Variants in ESRRG observed in about 807,000 individuals in gnomAD.
The protein encoded by ESRRG is estrogen related receptor gamma, also known as estrogen-related receptor gamma.
Under a neutral mutation model 44.0 loss-of-function variants are expected in ESRRG, and 13 were observed. That is an observed-to-expected ratio of 0.30 (90% CI 0.19 to 0.47). The LOEUF (loss-of-function observed/expected upper bound fraction) is 0.47, where lower values mean the gene tolerates loss of function less well. Ranked by LOEUF, ESRRG falls within the 20% of genes least tolerant of loss-of-function variation. The pLI, the probability that ESRRG is intolerant of heterozygous loss-of-function variation, is 1.00. For missense variants in ESRRG, 395 were observed against 580.6 expected, an observed-to-expected ratio of 0.68 and a Z score of 3.29; for synonymous variants, 215 against 214.6, an observed-to-expected ratio of 1.00 and a Z score of -0.02.
intron 3 of ESRRG, among the ~76,000 whole-genome samples, chr1:216,605,575 A>G (rs2059823345): frequency 6.6e-6 from 1 of 152,328 alleles, no homozygotes; most frequent in Admixed American, 6.5e-5. Flanking sequence ...GTGTCTATGT[A>G]TACTGTCACC....
At chr1:216,742,538 C>A (rs2152237593) in intron 2 of ESRRG, among the ~76,000 whole-genome samples, 1 of 152,084 alleles carries the variant, frequency 6.6e-6, no homozygotes, top group East Asian at 1.9e-4. Flanking sequence ...GTAAATATTT[C>A]TTTAATGATT....
chr1:216,651,983 T>G lies in ESRRG; in HGVS notation c.473-894A>C, dbSNP rs1266812039. 2.0e-5 allele frequency among the ~76,000 whole-genome samples: 3 copies of G among 152,112 alleles called. No individual in the cohort carries two copies. The East Asian group carries it at 5.8e-4, about 29-fold the overall frequency. ...TACAGCTTTGTAAAGAAGCTGCCTT[T>G]AAAATAAAGCTTTTCTCCCCAATCA... On this transcript the variant is annotated intron_variant, in intron 2 of 6. Coordinates refer to ENST00000408911, the MANE Select transcript of ESRRG (RefSeq NM_001438.4).
At chr1:216,919,444 T>C (rs749806896) in intron 2 of ESRRG, among the ~76,000 whole-genome samples, 34 of 152,146 alleles carry the variant, frequency 2.2e-4, no homozygotes, top group Admixed American at 1.9e-3. Context: ...ATCATACAGC[T>C]AGAACACTCA....
At chr1:217,066,031 T>C (rs756957457) in intron 1 of ESRRG, among the ~76,000 whole-genome samples, 1 of 152,202 alleles carries the variant, frequency 6.6e-6, no homozygotes. Context: ...CTTTGAGGAA[T>C]AGCTGAATTA....
At chr1:217,065,303 C>G (rs1164530206) in intron 1 of ESRRG, among the ~76,000 whole-genome samples, 1 of 152,214 alleles carries the variant, frequency 6.6e-6, no homozygotes, top group Non-Finnish European at 1.5e-5. Flanking sequence ...AAACCCTCAG[C>G]AGGTGTGAAA....
chr1:216,667,797 G>C (rs2074286276), intron 2 of ESRRG, among the ~76,000 whole-genome samples: 1 of 150,830 alleles, frequency 6.6e-6, no homozygotes, highest in South Asian at 2.1e-4. Flanking sequence ...ACTACAAAGT[G>C]TATTACTTAA....
chr1:216,542,666 A>G (rs1013447583), intron 5 of ESRRG, among the ~76,000 whole-genome samples: 6 of 152,052 alleles, frequency 3.9e-5, no homozygotes, highest in African/African-American at 1.4e-4. Flanking sequence ...ACATAAAATT[A>G]AAGTTCTTAA....
chr1:216,582,490 G>A (rs960733214), intron 3 of ESRRG, among the ~76,000 whole-genome samples: 1 of 152,072 alleles, frequency 6.6e-6, no homozygotes, highest in African/African-American at 2.4e-5. Flanking sequence ...CACCCAGGCT[G>A]GAATGCAGTG....
intron 5 of ESRRG, among the ~76,000 whole-genome samples, chr1:216,526,747 C>G (rs529557357): frequency 6.6e-6 from 1 of 152,072 alleles, no homozygotes; most frequent in African/African-American, 2.4e-5. Flanking sequence ...AATAACAAAC[C>G]GAGCTAATCA....
intron 2 of ESRRG, among the ~76,000 whole-genome samples, chr1:216,885,173 T>C (rs1055106663): frequency 6.7e-6 from 1 of 149,854 alleles, no homozygotes. Context: ...AGATGTTTGA[T>C]TCATTTAAAT....
chr1:216,922,389 A>C (rs2061955542), intron 2 of ESRRG, among the ~76,000 whole-genome samples: 1 of 152,168 alleles, frequency 6.6e-6, no homozygotes, highest in Admixed American at 6.5e-5. Context: ...TTCGAGTTGC[A>C]GTTAAGCAGT....
chr1:216,833,939 A>G (rs565375511), intron 2 of ESRRG, among the ~76,000 whole-genome samples: 1 of 152,298 alleles, frequency 6.6e-6, no homozygotes, highest in African/African-American at 2.4e-5. Flanking sequence ...GAGTGCATTG[A>G]CCATCAAAGC....
chr1:216,756,605 A>ACTT (rs370077295), intron 2 of ESRRG, among the ~76,000 whole-genome samples: 174 of 152,148 alleles, frequency 1.1e-3, no homozygotes, highest in African/African-American at 4.1e-3. Context: ...CATTCTAGCT[A>ACTT]CTTTAAAAGA....
At chr1:216,936,303 T>C (rs1263749587) in intron 2 of ESRRG, among the ~76,000 whole-genome samples, 2 of 152,196 alleles carry the variant, frequency 1.3e-5, no homozygotes, top group African/African-American at 2.4e-5. Context: ...TACTGAGGTA[T>C]AATCATGAGA....
chr1:217,078,028 T>C (rs2091459403), intron 1 of ESRRG: 2 of 152,212 alleles, frequency 1.3e-5, no homozygotes, highest in African/African-American at 4.8e-5. Flanking sequence ...TGAAAATGAA[T>C]GTAACATAAC....
intron 2 of ESRRG, among the ~76,000 whole-genome samples, chr1:216,935,019 G>T (rs1183763734): frequency 6.6e-6 from 1 of 152,180 alleles, no homozygotes; most frequent in Non-Finnish European, 1.5e-5. Context: ...ATAACTAGTA[G>T]TTAGCTGAAA....
chr1:216,693,136 A>G (rs2079397008), intron 1 of ESRRG, among the ~76,000 whole-genome samples: 1 of 152,182 alleles, frequency 6.6e-6, no homozygotes, highest in South Asian at 2.1e-4. Context: ...TCATCAGTAA[A>G]AGTACAATTC....
intron 6 of ESRRG, among the ~76,000 whole-genome samples, chr1:216,514,422 T>C (rs901050274): frequency 2.0e-5 from 3 of 152,158 alleles, no homozygotes; most frequent in African/African-American, 7.2e-5. Context: ...AAAGCTTACA[T>C]ATATTCATTT....
chr1:216,991,202 T>C (rs777118710), intron 1 of ESRRG, among the ~76,000 whole-genome samples: 25 of 151,988 alleles, frequency 1.6e-4, no homozygotes, highest in Admixed American at 8.5e-4. Flanking sequence ...CCCCCACCCA[T>C]CCATGGAAAA....
Sources: allele counts gnomAD v4.1 joint callset (sites outside exome capture counted in the v4.1 genomes callset), GRCh38; gene constraint gnomAD v4.1.1; transcripts MANE v1.5; gene names NCBI Gene and HGNC (gene_info 2026-07-23, HGNC 2026-07-21).